Variants in EVI5L observed in about 807,000 individuals in gnomAD.
EVI5L encodes the protein ecotropic viral integration site 5 like, also known as EVI5-like protein.
In EVI5L, 30 loss-of-function variants were observed where a neutral mutation model predicts 106.1. The ratio of observed to expected loss-of-function variants is 0.28; its 90% CI spans 0.21 to 0.38. The LOEUF is 0.38. EVI5L is among the 10% of genes least tolerant of loss of function. The pLI is 1.00. For missense variants in EVI5L, 809 were observed against 1,098.0 expected (o/e 0.74, Z 3.72); for synonymous variants, 489 against 483.3 (o/e 1.01, Z -0.15).
rs527804077 is a variant in EVI5L at position 7,856,656 on chromosome 19, A to G, written c.1201-436A>G. 2.8e-4 allele frequency among the ~76,000 whole-genome samples: 42 copies of G among 152,128 alleles called. No homozygotes were observed. The highest frequency in any genetic ancestry group is 9.1e-4 in the African/African-American group (38 of 41,534). On this transcript the variant is annotated intron_variant, in intron 11 of 19. Transcript: ENST00000538904. The surrounding 1 kb of genome is among the most constrained non-coding windows in gnomAD (Gnocchi z 6.6). ...CCACAGGAAGTGGGTTGGCAGCCGG[A>G]TTTGGTTGCCCTCACCCCAAAGCCT...
intron 1 of EVI5L, among the ~76,000 whole-genome samples, chr19:7,842,525 CTG>C (rs903957050): frequency 3.3e-4 from 35 of 107,078 alleles, no homozygotes; most frequent in Non-Finnish European, 4.7e-4. Flanking sequence ...GTGTGCATGT[CTG>C]TGAATTGGGG....
At chr19:7,846,305 C>A (rs1409150619) in intron 1 of EVI5L, among the ~76,000 whole-genome samples, 191 bp from the exon 2 acceptor site, 1 of 152,182 alleles carries the variant, frequency 6.6e-6, no homozygotes, top group African/African-American at 2.4e-5. Flanking sequence ...GCAGGGATCC[C>A]AATCGCCAGG....
intron 13 of EVI5L, among the ~76,000 whole-genome samples, chr19:7,859,496 G>T (rs920334493): frequency 6.6e-6 from 1 of 152,272 alleles, no homozygotes; most frequent in Non-Finnish European, 1.5e-5. Context: ...GATTCTAGCG[G>T]ATCCACTGCT....
rs1185151799 is a variant in EVI5L at position 7,858,444 on chromosome 19, C to T, written c.1374+113C>T. The T allele has an allele frequency of 1.5e-6, 2 of 1,343,976 alleles. No individual in the cohort carries two copies. The highest frequency in any genetic ancestry group is 2.0e-6 in the Non-Finnish European group (2 of 1,014,510). 83.3% of individuals were successfully genotyped at this position (1,343,976 alleles called of 1,614,324 possible). ...TGCCCCGCCTCAGCACCTGGCCCTC[C>T]TGTTCCTTTCTGGGGTAAGGGGAAC... On this transcript the variant is annotated intron_variant, in intron 13 of 19. Coordinates refer to ENST00000538904, the MANE Select transcript of EVI5L (RefSeq NM_001159944.3). The surrounding 1 kb of genome is among the most constrained non-coding windows in gnomAD (Gnocchi z 5.7).
In EVI5L at chr19:7,863,815, T is replaced by G; in HGVS notation, c.*113T>G. On this transcript the variant is annotated 3_prime_UTR_variant, in exon 20 of 20. Transcript: ENST00000538904. This position sits in a 1 kb window ranked among gnomAD's most constrained non-coding sequence, Gnocchi z 7.7. ...TGACAAACTACGCGCCCTCTGTGGCTCGGCCACCCCTAAAGCGAGGCCCGG... is the reference window on the plus strand; with the variant it reads ...TGACAAACTACGCGCCCTCTGTGGCGCGGCCACCCCTAAAGCGAGGCCCGG... 1.5e-6 allele frequency: 2 copies of G among 1,370,970 alleles called. No individual in the cohort carries two copies. Among genetic ancestry groups the G allele is most frequent in the Non-Finnish European group, 9.5e-7 (1 of 1,053,044 alleles). The allele number at this position is 1,370,970 out of a possible 1,614,324, so 84.9% of individuals were successfully genotyped here.
Position 7,863,152 on chromosome 19 carries a change from C to A in EVI5L, c.2044-33C>A, listed in dbSNP as rs369495677. On this transcript the variant is annotated intron_variant, in intron 18 of 19. Transcript: ENST00000538904. The surrounding 1 kb of genome is among the most constrained non-coding windows in gnomAD (Gnocchi z 7.7). ...GGGCCGGACCCCAGGCCCAGCATGG[C>A]ACTGGCCCCGCGTGACCTGGCGCAC... The A allele has an allele frequency of 5.2e-6, 8 of 1,545,762 alleles. No homozygotes were observed. The African/African-American group carries it at 8.3e-5, about 16-fold the overall frequency.
intron 8 of EVI5L, among the ~76,000 whole-genome samples, chr19:7,852,220 T>C (rs1320828981): frequency 3.9e-5 from 6 of 152,222 alleles, no homozygotes; most frequent in Non-Finnish European, 7.4e-5. Flanking sequence ...GCCCTGCTGC[T>C]GGCCAGCCTG....
At chr19:7,844,761 A>G (rs1308486781) in intron 1 of EVI5L, among the ~76,000 whole-genome samples, 1 of 152,186 alleles carries the variant, frequency 6.6e-6, no homozygotes, top group Non-Finnish European at 1.5e-5. Context: ...CAAAACCCTC[A>G]GCACCCGGCA....
rs765955871 is a variant in EVI5L, at chr19:7,835,896, G to T, written c.-48+5515G>T. ...CATGGCATCTTGGGCTTTAGATTCC[G>T]AAATGAGTCTGTGTCCCTGGTAATC... On this transcript the variant is annotated intron_variant, in intron 1 of 19. Coordinates refer to ENST00000538904, the MANE Select transcript of EVI5L (RefSeq NM_001159944.3). This position sits in a 1 kb window ranked among gnomAD's most constrained non-coding sequence, Gnocchi z 4.1. 3.9e-5 allele frequency among the ~76,000 whole-genome samples: 6 copies of T among 152,116 alleles called. No individual in the cohort carries two copies. Among genetic ancestry groups the T allele is most frequent in the Non-Finnish European group, 5.9e-5 (4 of 68,018 alleles).
At chr19:7,830,844 C>T (rs1260412966) in intron 1 of EVI5L, among the ~76,000 whole-genome samples, 2 of 146,960 alleles carry the variant, frequency 1.4e-5, no homozygotes, top group Non-Finnish European at 3.0e-5. Flanking sequence ...CCCGCACCCC[C>T]TCACTTCACG....
chr19:7,863,230 T>C lies in EVI5L; in HGVS notation c.2089T>C (p.Ser697Pro). ...IQGQLNHSDS[S>P]QYIRELKDQI... ...GGGCCAGCTGAACCACTCGGACTCATCGCAGTACATCCGCGAGCTCAAGGA... is the reference window on the plus strand; with the variant it reads ...GGGCCAGCTGAACCACTCGGACTCACCGCAGTACATCCGCGAGCTCAAGGA... The change falls in exon 19 of 20, where the codon TCG becomes CCG. Residue 697 changes from serine (S) to proline (P), a missense_variant. Physicochemically the swap from Ser to Pro is moderately conservative, Grantham distance 74. Around this residue, in one of 2 missense-constraint regions of EVI5L, gnomAD observed 452 missense variants for 509.9 expected, o/e 0.89. Coordinates refer to ENST00000538904, the MANE Select transcript of EVI5L (RefSeq NM_001159944.3). The surrounding 1 kb of genome is among the most constrained non-coding windows in gnomAD (Gnocchi z 7.7). 1 of 1,563,024 alleles carries C rather than the reference T, an allele frequency of 6.4e-7. No individual in the cohort carries two copies. Among genetic ancestry groups the C allele is most frequent in the Non-Finnish European group, 8.7e-7 (1 of 1,153,970 alleles).
Position 7,862,488 on chromosome 19 carries a change from C to G in EVI5L, c.1901C>G (p.Thr634Arg), listed in dbSNP as rs2083158091. 6.3e-7 allele frequency: 1 copy of G among 1,581,398 alleles called. No individual in the cohort carries two copies. Among genetic ancestry groups the G allele is most frequent in the Non-Finnish European group, 8.6e-7 (1 of 1,165,114 alleles). Residue 634 changes from threonine to arginine, a missense_variant, in exon 17 of 20, where the codon ACG becomes AGG. By Grantham distance (71) the Thr-to-Arg change is moderately conservative (BLOSUM62 -1). This residue lies in a region of EVI5L where 452 missense variants were observed against 509.9 expected (regional missense o/e 0.89). Transcript: ENST00000538904. ...GCTGCACAGAACAAGGGGCTGCAGA[C>G]GCAGCTCAGCGAAAGCCGCCGCAAG... ...YLAAQNKGLQ[T>R]QLSESRRKQA... is the part of the protein sequence containing the mutation.
rs978566473 is a variant in EVI5L at position 7,864,929 on chromosome 19, T to C, written c.*1227T>C. On this transcript the variant is annotated 3_prime_UTR_variant, in exon 20 of 20. Coordinates refer to ENST00000538904, the MANE Select transcript of EVI5L (RefSeq NM_001159944.3). The surrounding 1 kb of genome is among the most constrained non-coding windows in gnomAD (Gnocchi z 4.5). Reference sequence around the variant, plus strand: ...CCATTTTGCACACTGCCTGTTCACATGTCGCCCAGGCGGGAAAAATGGAAA... The same window carrying C: ...CCATTTTGCACACTGCCTGTTCACACGTCGCCCAGGCGGGAAAAATGGAAA... 6 of 152,482 alleles carry C rather than the reference T, an allele frequency of 3.9e-5. No individual in the cohort carries two copies. The highest frequency in any genetic ancestry group is 9.6e-5 in the African/African-American group (4 of 41,484). 9.4% of individuals were successfully genotyped at this position (152,482 alleles called of 1,614,324 possible). A position where few individuals can be genotyped will look rare whatever the true frequency, so the allele number is the denominator to read the frequency against.
chr19:7,863,545 G>A lies in EVI5L; in HGVS notation c.2261G>A (p.Gly754Asp), dbSNP rs1239083504. The change falls in exon 20 of 20, where the codon GGC (glycine) becomes GAC (aspartate). Residue 754 changes from glycine to aspartate, a missense_variant. Coordinates refer to ENST00000538904, the MANE Select transcript of EVI5L (RefSeq NM_001159944.3). This position sits in a 1 kb window ranked among gnomAD's most constrained non-coding sequence, Gnocchi z 7.7. Reference protein sequence around the residue: ...PSSDEELLGVGVGAALQDALY... With the variant: ...PSSDEELLGVDVGAALQDALY... ...TCGGACGAGGAGCTACTTGGCGTAG[G>A]CGTGGGCGCTGCCCTGCAGGACGCA... 1.2e-6 allele frequency: 2 copies of A among 1,600,008 alleles called. No individual in the cohort carries two copies. The highest frequency in any genetic ancestry group is 1.7e-6 in the Non-Finnish European group (2 of 1,174,362).
chr19:7,837,449 T>C (rs1978388723), intron 1 of EVI5L, among the ~76,000 whole-genome samples: 1 of 152,228 alleles, frequency 6.6e-6, no homozygotes, highest in African/African-American at 2.4e-5. Flanking sequence ...GTCTCCTCTA[T>C]AGTTAATGTC....
chr19:7,858,074 C>G lies in EVI5L; in HGVS notation c.1234-117C>G. The G allele has an allele frequency of 8.0e-7, 1 of 1,257,808 alleles. No homozygotes were observed. The highest frequency in any genetic ancestry group is 2.6e-5 in the East Asian group (1 of 39,110). 77.9% of individuals were successfully genotyped at this position (1,257,808 alleles called of 1,614,324 possible). On this transcript the variant is annotated intron_variant, in intron 12 of 19. Transcript: ENST00000538904. The surrounding 1 kb of genome is among the most constrained non-coding windows in gnomAD (Gnocchi z 5.7). ...CCCAGGCTCTGAGTACGGGAGGCCC[C>G]CACCTCACTTCCCCCCACCTCCACT... is the stretch of plus-strand genomic sequence containing the variant.
chr19:7,861,521 G>C (rs1599580240), intron 14 of EVI5L, among the ~76,000 whole-genome samples: 2 of 152,238 alleles, frequency 1.3e-5, no homozygotes, highest in Admixed American at 1.3e-4. Context: ...TGGCCTGGGG[G>C]CCAGAGGGCA....
intron 1 of EVI5L, among the ~76,000 whole-genome samples, chr19:7,840,938 G>A (rs1978572642): frequency 6.6e-6 from 1 of 152,204 alleles, no homozygotes; most frequent in Non-Finnish European, 1.5e-5. Context: ...GATGTTTGCC[G>A]TTCTCTTGCG....
intron 13 of EVI5L, among the ~76,000 whole-genome samples, chr19:7,860,169 G>C (rs935145468): frequency 6.6e-6 from 1 of 152,180 alleles, no homozygotes; most frequent in Non-Finnish European, 1.5e-5. Context: ...AAAGACAGGT[G>C]CACAGCCCCA....
Sources: gnomAD v4.1 joint callset for allele counts (sites outside exome capture counted in the v4.1 genomes callset) on GRCh38, gnomAD v4.1.1 for gene constraint, gnomAD v4.1.1 regional missense constraint, Gnocchi (gnomAD v3.1) non-coding constraint, MANE v1.5 for transcripts, NCBI Gene and HGNC (gene_info 2026-07-23, HGNC 2026-07-21) for gene names.